Variants in SLC26A9 observed in about 807,000 individuals in gnomAD.
SLC26A9 encodes solute carrier family 26 member 9.
Under a neutral mutation model 87.1 loss-of-function variants are expected in SLC26A9, and 46 were observed. The ratio of observed to expected loss-of-function variants is 0.53; its 90% confidence interval spans 0.42 to 0.67. The LOEUF (loss-of-function observed/expected upper bound fraction) is 0.67, where lower values mean the gene tolerates loss of function less well. SLC26A9 is among the 30% of genes least tolerant of loss of function. SLC26A9 has a pLI of 0.00. For missense variants in SLC26A9, 927 were observed against 1,018.3 expected, an observed-to-expected ratio of 0.91 and a Z score of 1.22; for synonymous variants, 437 against 409.1, an observed-to-expected ratio of 1.07 and a Z score of -0.82.
At chr1:205,924,260 C>T in intron 13 of SLC26A9, 123 bp downstream of exon 13, 3 of 876,318 alleles carry the variant, frequency 3.4e-6, no homozygotes, top group African/African-American at 1.7e-5. Flanking sequence ...CTGGCAGCAC[C>T]TCCAGTGCCA....
chr1:205,917,700 G>C (rs1238231297), intron 19 of SLC26A9, among the ~76,000 whole-genome samples: 1 of 152,164 alleles, frequency 6.6e-6, no homozygotes, highest in Non-Finnish European at 1.5e-5. Flanking sequence ...CTGATAACCA[G>C]CCTCACTTTG....
Position 205,915,278 on chromosome 1 carries a change from CCT to C in SLC26A9, c.*77_*78del. On this transcript the variant is annotated 3_prime_UTR_variant, in exon 21 of 21. Transcript: ENST00000367135. ...ATGCACTTTCCTCCGCCCGACACCCCCTGTGACCCCAGGCTCATCCTTTATGG... is the reference window on the plus strand; with the variant it reads ...ATGCACTTTCCTCCGCCCGACACCCCGTGACCCCAGGCTCATCCTTTATGG... 2 of 1,606,030 alleles carry C rather than the reference CCT, an allele frequency of 1.2e-6. No individual in the cohort carries two copies. The highest frequency in any genetic ancestry group is 8.5e-7 in the Non-Finnish European group (1 of 1,175,212).
chr1:205,932,013 G>A lies in SLC26A9; in HGVS notation c.399C>T (p.Ile133=), dbSNP rs938693791. The change falls in exon 5 of 21, where the codon ATC becomes ATT. Residue 133 remains isoleucine, a synonymous_variant. Transcript: ENST00000367135. ...MVPGTFAVIS[I]LVGNICLQLA... is the part of the protein sequence containing the mutation. ...GCTGCAGACAGATGTTACCCACCAGGATGCTGATAACGGCAAAGGTACCTG... is the reference window on the plus strand; with the variant it reads ...GCTGCAGACAGATGTTACCCACCAGAATGCTGATAACGGCAAAGGTACCTG... 6.2e-7 allele frequency: 1 copy of A among 1,614,072 alleles called. No homozygotes were observed. The highest frequency in any genetic ancestry group is 1.3e-5 in the African/African-American group (1 of 74,942).
rs113980458 is a variant in SLC26A9, at chr1:205,932,605, G to A, written c.376+97C>T. 1,139 of 1,030,070 alleles carry A rather than the reference G, an allele frequency of 1.1e-3. 14 individuals are homozygous for A. The African/African-American group carries it at 0.016, about 14-fold the overall frequency. 63.8% of individuals were successfully genotyped at this position (1,030,070 alleles called of 1,614,324 possible). ...CTAGGACTGACCAGGAACAACTCCA[G>A]GAGAATGCAGATGGAAAATCTCCCG... On this transcript the variant is annotated intron_variant, in intron 4 of 20. Coordinates refer to ENST00000367135, the MANE Select transcript of SLC26A9 (RefSeq NM_052934.4).
In SLC26A9 at chr1:205,927,278, A is replaced by G; in HGVS notation, c.1226T>C (p.Leu409Pro). Reference sequence around the variant, plus strand: ...GATCATCACCACCAGAGACACACACAGGCTGGCCACCTATTCCGAGAAAGA... The same window carrying G: ...GATCATCACCACCAGAGACACACACGGGCTGGCCACCTATTCCGAGAAAGA... ...GAGGKSQVASLCVSLVVMITM... is the reference protein window; with the variant it reads ...GAGGKSQVASPCVSLVVMITM... Residue 409 changes from leucine (L) to proline (P), a missense_variant, in exon 11 of 21, where the codon CTG becomes CCG. Physicochemically the swap from Leu to Pro is moderately conservative, Grantham distance 98. Coordinates refer to ENST00000367135, the MANE Select transcript of SLC26A9 (RefSeq NM_052934.4). 1 of 1,614,190 alleles carries G rather than the reference A, an allele frequency of 6.2e-7. No homozygotes were observed. Among genetic ancestry groups the G allele is most frequent in the Non-Finnish European group, 8.5e-7 (1 of 1,180,026 alleles).
intron 16 of SLC26A9, 68 bp downstream of exon 16, chr1:205,923,014 A>G: frequency 1.4e-6 from 2 of 1,460,406 alleles, no homozygotes; most frequent in Admixed American, 3.4e-5. Context: ...GGGTACCATG[A>G]GTAACAGGGG....
chr1:205,935,060 G>T (rs544240208), intron 2 of SLC26A9: 1 of 152,240 alleles, frequency 6.6e-6, no homozygotes, highest in Admixed American at 6.5e-5. Flanking sequence ...GGTGACACCC[G>T]CAGCCCCAGC....
chr1:205,913,739 T>G lies in SLC26A9; in HGVS notation c.*1618A>C, dbSNP rs564232640. The G allele has an allele frequency of 1.3e-5, 2 of 152,774 alleles. No homozygotes were observed. Among genetic ancestry groups the G allele is most frequent in the East Asian group, 3.9e-4 (2 of 5,190 alleles). 9.5% of individuals were successfully genotyped at this position (152,774 alleles called of 1,614,324 possible). A position where few individuals can be genotyped will look rare whatever the true frequency, so the allele number is the denominator to read the frequency against. The stretch of plus-strand genomic sequence containing the variant: ...GTTTTGAGTTCCATTGGCAGCCAGA[T>G]GGCATAATGAATTCACAGAAAAGCA... On this transcript the variant is annotated 3_prime_UTR_variant, in exon 21 of 21. Coordinates refer to ENST00000367135, the MANE Select transcript of SLC26A9 (RefSeq NM_052934.4).
chr1:205,927,303 A>C lies in SLC26A9; in HGVS notation c.1216-15T>G, dbSNP rs45457692. On this transcript the variant is annotated splice_polypyrimidine_tract_variant and intron_variant, in intron 10 of 20. Transcript: ENST00000367135. The stretch of plus-strand genomic sequence containing the variant: ...AGGCTGGCCACCTATTCCGAGAAAG[A>C]GTTGGGGATAGAGGGAAGGTGTGAA... 17,381 of 1,613,862 alleles carry C rather than the reference A, an allele frequency of 0.011. 123 individuals are homozygous for C. Among genetic ancestry groups the C allele is most frequent in the South Asian group, 0.016 (1,426 of 91,050 alleles).
At position 205,937,492 on chromosome 1, in the gene SLC26A9, T is replaced by C. The variant is rs145356298; in HGVS notation, c.-18-1654A>G. On this transcript the variant is annotated intron_variant, in intron 1 of 20. Transcript: ENST00000367135. ...AGATGACCTGGGTTCAAAGATTCAGTTTCTTCATCTGTAAATGGGGATAAT... is the reference window on the plus strand; with the variant it reads ...AGATGACCTGGGTTCAAAGATTCAGCTTCTTCATCTGTAAATGGGGATAAT... 1.5e-3 allele frequency among the ~76,000 whole-genome samples: 223 copies of C among 152,246 alleles called. 1 individual carries two copies. The highest frequency in any genetic ancestry group is 5.2e-3 in the African/African-American group (217 of 41,532).
chr1:205,923,478 A>G (rs1309190121), intron 14 of SLC26A9, 51 bp from the exon 15 acceptor site: 2 of 1,613,858 alleles, frequency 1.2e-6, no homozygotes, highest in Non-Finnish European at 1.7e-6. Context: ...TATTGGCTTT[A>G]AAAAGCAACC....
rs766977386 is a variant in SLC26A9, at chr1:205,932,648, C to T, written c.376+54G>A. 109 of 1,440,976 alleles carry T rather than the reference C, an allele frequency of 7.6e-5. 4 individuals are homozygous for T. In the Middle Eastern group the frequency reaches 2.5e-3, roughly 33 times the overall value. The allele number at this position is 1,440,976 out of a possible 1,614,324, so 89.3% of individuals were successfully genotyped here. A position where few individuals can be genotyped will look rare whatever the true frequency, so the allele number is the denominator to read the frequency against. On this transcript the variant is annotated intron_variant, in intron 4 of 20. Transcript: ENST00000367135. ...ATCTCCCGAGGCCCCTTTGCCACAC[C>T]TCCCATCCTTGGGGTCTGGGTCATC...
intron 1 of SLC26A9, among the ~76,000 whole-genome samples, chr1:205,939,026 C>T (rs1659632055): frequency 6.6e-6 from 1 of 152,194 alleles, no homozygotes; most frequent in East Asian, 1.9e-4. Flanking sequence ...CCTTGCTTTA[C>T]TGGAATACCA....
chr1:205,931,896 C>T lies in SLC26A9; in HGVS notation c.516G>A (p.Val172=), dbSNP rs1242486762. The change falls in exon 5 of 21, where the codon GTG becomes GTA. Residue 172 remains valine, a synonymous_variant. Coordinates refer to ENST00000367135, the MANE Select transcript of SLC26A9 (RefSeq NM_052934.4). ...CGGTGAGGCAGGCTAGCGTAGCTGA[C>T]ACGTGCAGCCTCTCAGCCTCCATGG... ...TAAMEAERLH[V]SATLACLTAI... The T allele has an allele frequency of 6.2e-7, 1 of 1,614,040 alleles. No homozygotes were observed. Among genetic ancestry groups the T allele is most frequent in the Non-Finnish European group, 8.5e-7 (1 of 1,179,968 alleles).
Position 205,920,220 on chromosome 1 carries a change from G to A in SLC26A9, c.2066C>T (p.Thr689Ile). 2 of 1,614,042 alleles carry A rather than the reference G, an allele frequency of 1.2e-6. No homozygotes were observed. Among genetic ancestry groups the A allele is most frequent in the Non-Finnish European group, 8.5e-7 (1 of 1,179,898 alleles). ...GIKALAKLSS[T>I]YGKIGVKVFL... ...GACCTTCACGCCGATCTTCCCATAG[G>A]TGGAGCTCAGCTAGAAGTGTTGTTG... Residue 689 changes from threonine to isoleucine, a missense_variant, in exon 18 of 21, where the codon ACC becomes ATC. Transcript: ENST00000367135.
intron 6 of SLC26A9, 56 bp from the exon 7 acceptor site, chr1:205,929,412 C>G (rs1558125741): frequency 3.2e-6 from 5 of 1,586,942 alleles, no homozygotes; most frequent in Non-Finnish European, 4.3e-6. Flanking sequence ...CATAATACCC[C>G]ACCTTTGGGT....
chr1:205,921,531 G>A (rs750155183), intron 17 of SLC26A9, 35 bp downstream of exon 17: 4 of 1,589,838 alleles, frequency 2.5e-6, no homozygotes, highest in Non-Finnish European at 3.4e-6. Flanking sequence ...GGAGGGGGTG[G>A]AGTGGGTGGT....
At chr1:205,929,451 A>C in intron 6 of SLC26A9, 95 bp from the exon 7 acceptor site, 1 of 1,527,272 alleles carries the variant, frequency 6.5e-7, no homozygotes, top group Non-Finnish European at 8.8e-7. Flanking sequence ...ATGCCATCAA[A>C]GCTAATGGAG....
intron 2 of SLC26A9, 51 bp downstream of exon 2, chr1:205,935,645 G>A: frequency 6.2e-7 from 1 of 1,610,050 alleles, no homozygotes; most frequent in Non-Finnish European, 8.5e-7. Context: ...GTGCAGAAAG[G>A]ATTTTGGTAG....
Sources: allele counts gnomAD v4.1 joint callset (sites outside exome capture counted in the v4.1 genomes callset), GRCh38; gene constraint gnomAD v4.1.1; transcripts MANE v1.5; gene names NCBI Gene and HGNC (gene_info 2026-07-23, HGNC 2026-07-21).